The following GALNT13 variants were observed in gnomAD, a reference collection of about 807,000 sequenced individuals.
GALNT13 encodes the protein polypeptide N-acetylgalactosaminyltransferase 13.
A neutral mutation model predicts 64.2 loss-of-function variants in GALNT13; 28 were observed. The observed-to-expected ratio is 0.44, with a 90% CI of 0.32 to 0.60. The LOEUF (loss-of-function observed/expected upper bound fraction) is 0.60. Among genes scored for constraint, GALNT13 ranks in the 20% least tolerant of loss-of-function variants. The pLI, the probability that GALNT13 is intolerant of heterozygous loss-of-function variation, is 0.05. For missense variants in GALNT13, 577 were observed against 669.8 expected (o/e 0.86, Z 1.53); for synonymous variants, 214 against 224.6 (o/e 0.95, Z 0.42).
At position 154,321,868 on chromosome 2, in the gene GALNT13, A is replaced by G. The variant is rs138238907; in HGVS notation, c.1156+20279A>G. On this transcript the variant is annotated intron_variant, in intron 9 of 12. Transcript: ENST00000392825. ...ACATTTTTGTGCATAATAAAATGACACATTCATTTATATAAGCATATATTT... is the reference window on the plus strand; with the variant it reads ...ACATTTTTGTGCATAATAAAATGACGCATTCATTTATATAAGCATATATTT... Among the ~76,000 whole-genome samples, 1,273 of 152,278 alleles carry G rather than the reference A, an allele frequency of 8.4e-3. 18 individuals are homozygous for G. Among genetic ancestry groups the G allele is most frequent in the African/African-American group, 0.029 (1,202 of 41,582 alleles).
the GALNT13 span, among the ~76,000 whole-genome samples, chr2:153,822,392 T>G: frequency 2.0e-5 from 3 of 152,188 alleles, no homozygotes; most frequent in East Asian, 5.8e-4. Context: ...CACAATAAAG[T>G]AGGCTTTATT....
the GALNT13 span, among the ~76,000 whole-genome samples, chr2:153,747,839 G>T: frequency 6.6e-6 from 1 of 152,084 alleles, no homozygotes; most frequent in African/African-American, 2.4e-5. Flanking sequence ...TTATGTTGTT[G>T]CAAATGACAG....
chr2:153,768,454 T>G, the GALNT13 span, among the ~76,000 whole-genome samples: 1 of 152,314 alleles, frequency 6.6e-6, no homozygotes, highest in African/African-American at 2.4e-5. Flanking sequence ...TAGTATTTGT[T>G]TTTTGAATCC....
the GALNT13 span, among the ~76,000 whole-genome samples, chr2:153,129,011 A>G: frequency 6.6e-6 from 1 of 152,178 alleles, no homozygotes; most frequent in Admixed American, 6.5e-5. Flanking sequence ...GTTGGAACAG[A>G]GCCAAACCAT....
chr2:154,131,566 C>A (rs1682619888), intron 3 of GALNT13, among the ~76,000 whole-genome samples: 4 of 152,142 alleles, frequency 2.6e-5, no homozygotes, highest in Admixed American at 2.6e-4. Context: ...TCCCCAACAT[C>A]TACTGACTCC....
intron 9 of GALNT13, among the ~76,000 whole-genome samples, chr2:154,349,799 C>T (rs1574135631): frequency 6.6e-6 from 1 of 152,218 alleles, no homozygotes; most frequent in East Asian, 1.9e-4. Context: ...CCATTCAGGC[C>T]CACAGGCAAT....
chr2:154,401,008 G>A (rs4664736), intron 10 of GALNT13, among the ~76,000 whole-genome samples: 67,748 of 151,858 alleles, frequency 0.45, 16,053 homozygotes, highest in East Asian at 0.62. Context: ...CAGGAGCCAA[G>A]TGACAACTCT....
chr2:153,545,893 C>T, the GALNT13 span, among the ~76,000 whole-genome samples: 3 of 152,156 alleles, frequency 2.0e-5, no homozygotes, highest in South Asian at 4.1e-4. Context: ...GGGCAAAGTA[C>T]GTGGATCCAG....
At chr2:153,412,723 C>T in the GALNT13 span, among the ~76,000 whole-genome samples, 2 of 152,140 alleles carry the variant, frequency 1.3e-5, no homozygotes, top group South Asian at 4.1e-4. Flanking sequence ...AAAGAACACC[C>T]AGGCTGAATT....
chr2:154,120,811 CT>C (rs1353092355), intron 3 of GALNT13, among the ~76,000 whole-genome samples: 1 of 152,100 alleles, frequency 6.6e-6, no homozygotes, highest in Non-Finnish European at 1.5e-5. Context: ...GAGAAGTTGA[CT>C]TGTAACTCTA....
At chr2:153,923,974 T>C (rs529002989) in intron 2 of GALNT13, among the ~76,000 whole-genome samples, 41 of 152,254 alleles carry the variant, frequency 2.7e-4, no homozygotes, top group African/African-American at 8.7e-4. Context: ...AAGTCTTTGC[T>C]ATTGTGAATA....
intron 3 of GALNT13, among the ~76,000 whole-genome samples, chr2:154,130,214 A>G (rs13006137): frequency 0.011 from 1,690 of 152,256 alleles, 11 homozygotes; most frequent in Middle Eastern, 0.037. Flanking sequence ...GAGAAGAACT[A>G]TGGAAATAAA....
the GALNT13 span, among the ~76,000 whole-genome samples, chr2:153,117,234 T>C: frequency 6.6e-6 from 1 of 152,126 alleles, no homozygotes; most frequent in Non-Finnish European, 1.5e-5. Flanking sequence ...AACAGTAAAA[T>C]GTTGGGATAC....
chr2:153,148,805 A>T, the GALNT13 span, among the ~76,000 whole-genome samples: 1 of 151,910 alleles, frequency 6.6e-6, no homozygotes, highest in African/African-American at 2.4e-5. Flanking sequence ...ACACAAAGAG[A>T]AAAAGACATC....
chr2:153,790,620 A>C, the GALNT13 span, among the ~76,000 whole-genome samples: 1 of 152,180 alleles, frequency 6.6e-6, no homozygotes, highest in African/African-American at 2.4e-5. Flanking sequence ...GGCAAGAGGA[A>C]GAAATAAAAG....
chr2:153,260,149 T>A, the GALNT13 span, among the ~76,000 whole-genome samples: 2 of 152,368 alleles, frequency 1.3e-5, no homozygotes, highest in South Asian at 2.1e-4. Flanking sequence ...TCTATTTATA[T>A]CCTATTATAT....
At chr2:154,049,246 A>C (rs902486520) in intron 3 of GALNT13, among the ~76,000 whole-genome samples, 1 of 151,600 alleles carries the variant, frequency 6.6e-6, no homozygotes, top group Non-Finnish European at 1.5e-5. Flanking sequence ...GGGTCTGTGG[A>C]ATTTGTCTTA....
At chr2:153,607,217 CA>C in the GALNT13 span, among the ~76,000 whole-genome samples, 23,582 of 151,966 alleles carry the variant, frequency 0.16, 1,953 homozygotes, top group African/African-American at 0.19. Context: ...GTGAGTGACA[CA>C]AAAGTTAGGC....
intron 3 of GALNT13, among the ~76,000 whole-genome samples, chr2:154,069,157 T>C (rs1033375901): frequency 1.3e-5 from 2 of 151,932 alleles, no homozygotes; most frequent in Non-Finnish European, 2.9e-5. Context: ...TCTTCAAAAA[T>C]AAATATTATT....
Sources: allele counts gnomAD v4.1 joint callset (sites outside exome capture counted in the v4.1 genomes callset), GRCh38; gene constraint gnomAD v4.1.1; transcripts MANE v1.5; gene names NCBI Gene and HGNC (gene_info 2026-07-23, HGNC 2026-07-21).